Variants in MROH2B observed in about 807,000 individuals in gnomAD.
MROH2B encodes the protein maestro heat like repeat family member 2B.
Under a neutral mutation model 208.6 loss-of-function variants are expected in MROH2B, and 177 were observed. That is an observed-to-expected ratio of 0.85 (90% CI 0.75 to 0.96). The LOEUF (loss-of-function observed/expected upper bound fraction) is 0.96. Among genes scored for constraint, MROH2B ranks in the 40% least tolerant of loss-of-function variants. MROH2B has a pLI of 0.00. For missense variants in MROH2B, 2,002 were observed against 1,878.7 expected (o/e 1.07, Z -1.21); for synonymous variants, 728 against 659.0 (o/e 1.10, Z -1.60).
In MROH2B at chr5:41,008,801, G is replaced by C. The variant is rs1741677782; in HGVS notation, c.3421-8C>G. 1.2e-6 allele frequency: 2 copies of C among 1,604,158 alleles called. No homozygotes were observed. Among genetic ancestry groups the C allele is most frequent in the Non-Finnish European group, 1.7e-6 (2 of 1,173,088 alleles). ...ATACATAGCACAGGCCACCTGAGGG[G>C]AGAAAGGGCCTCTTGGTCAGGCAGT... On this transcript the variant is annotated splice_polypyrimidine_tract_variant and splice_region_variant and intron_variant, in intron 32 of 41. Transcript: ENST00000399564.
chr5:41,031,894 A>G (rs1280439727), intron 24 of MROH2B, among the ~76,000 whole-genome samples: 1 of 152,126 alleles, frequency 6.6e-6, no homozygotes, highest in Non-Finnish European at 1.5e-5. Context: ...ATGTTACTGC[A>G]AAAGACAGAT....
chr5:41,006,763 C>G (rs1406788347), intron 34 of MROH2B, among the ~76,000 whole-genome samples: 1 of 152,048 alleles, frequency 6.6e-6, no homozygotes, highest in Non-Finnish European at 1.5e-5. Flanking sequence ...TATGTTCTGT[C>G]TCATATGTGG....
Position 41,015,478 on chromosome 5 carries a change from C to G in MROH2B, c.2885G>C (p.Gly962Ala), listed in dbSNP as rs765609824. 5.6e-6 allele frequency: 9 copies of G among 1,613,080 alleles called. No individual in the cohort carries two copies. The highest frequency in any genetic ancestry group is 7.6e-6 in the Non-Finnish European group (9 of 1,179,404). Residue 962 changes from glycine (G) to alanine (A), a missense_variant and splice_region_variant, in exon 29 of 42, where the codon GGC becomes GCC. By Grantham distance (60) the Gly-to-Ala change is moderately conservative. Transcript: ENST00000399564. ...SSTIGLFYIK[G>A]IHLEVERLQG... ...CAGTCTTTCCACTTCCAAGTGAATG[C>G]CTAAAATCAACAAAGTGAGAAATGT... is the stretch of plus-strand genomic sequence containing the variant.
At chr5:41,021,362 C>T (rs934625137) in intron 24 of MROH2B, among the ~76,000 whole-genome samples, 3 of 152,132 alleles carry the variant, frequency 2.0e-5, no homozygotes, top group Non-Finnish European at 2.9e-5. Context: ...ATCTTAATAT[C>T]ATTAAGAATA....
intron 6 of MROH2B, among the ~76,000 whole-genome samples, chr5:41,060,648 G>T (rs945736471): frequency 2.6e-5 from 4 of 152,188 alleles, no homozygotes; most frequent in African/African-American, 9.7e-5. Context: ...CACCAGGGCA[G>T]TTAAGTGCTT....
At chr5:41,045,693 C>A in intron 18 of MROH2B, 53 bp downstream of exon 18, 1 of 1,347,346 alleles carries the variant, frequency 7.4e-7, no homozygotes, top group Non-Finnish European at 1.1e-6. Flanking sequence ...GCTAGAGCAG[C>A]CATTTTGGAT....
chr5:41,064,824 G>A (rs1743752859), intron 4 of MROH2B, among the ~76,000 whole-genome samples: 1 of 152,132 alleles, frequency 6.6e-6, no homozygotes, highest in Admixed American at 6.5e-5. Flanking sequence ...AGTGGCAGTC[G>A]CTTATTTGGA....
chr5:41,016,437 G>A (rs1741950556), intron 28 of MROH2B, among the ~76,000 whole-genome samples: 2 of 147,272 alleles, frequency 1.4e-5, no homozygotes, highest in Admixed American at 6.8e-5. Flanking sequence ...AACAATAATA[G>A]AATCCAAATT....
intron 27 of MROH2B, 29 bp from the exon 28 acceptor site, chr5:41,017,999 G>A: frequency 6.4e-7 from 1 of 1,562,940 alleles, no homozygotes; most frequent in Non-Finnish European, 8.7e-7. Context: ...ATCCTATTGT[G>A]ATGGGGTAGC....
intron 24 of MROH2B, among the ~76,000 whole-genome samples, chr5:41,023,178 C>T (rs887735864): frequency 6.6e-6 from 1 of 152,186 alleles, no homozygotes; most frequent in African/African-American, 2.4e-5. Context: ...AGCAATGGAA[C>T]AAAGCTGGAC....
Position 41,071,084 on chromosome 5 carries a change from A to C in MROH2B, c.-232T>G. 3 of 462,518 alleles carry C rather than the reference A, an allele frequency of 6.5e-6. No individual in the cohort carries two copies. The highest frequency in any genetic ancestry group is 3.5e-5 in the Admixed American group (1 of 28,634). 28.7% of individuals were successfully genotyped at this position (462,518 alleles called of 1,614,324 possible). A position where few individuals can be genotyped will look rare whatever the true frequency, so the allele number is the denominator to read the frequency against. On this transcript the variant is annotated 5_prime_UTR_variant, in exon 1 of 42. Coordinates refer to ENST00000399564, the MANE Select transcript of MROH2B (RefSeq NM_173489.5). Reference sequence around the variant, plus strand: ...CACTATGACATTGTCTTGCGTCTGAACTCCTGCTAACCAACAAAATGGCTG... The same window carrying C: ...CACTATGACATTGTCTTGCGTCTGACCTCCTGCTAACCAACAAAATGGCTG...
intron 21 of MROH2B, among the ~76,000 whole-genome samples, chr5:41,036,314 T>A (rs1260961551): frequency 6.6e-6 from 1 of 152,074 alleles, no homozygotes; most frequent in Non-Finnish European, 1.5e-5. Flanking sequence ...TGAGATCTGA[T>A]GATTATATAA....
At position 41,005,599 on chromosome 5, in the gene MROH2B, G is replaced by C. The variant is rs1561274332; in HGVS notation, c.3796C>G (p.Gln1266Glu). The C allele has an allele frequency of 1.2e-6, 2 of 1,612,124 alleles. No homozygotes were observed. The highest frequency in any genetic ancestry group is 1.7e-6 in the Non-Finnish European group (2 of 1,179,178). The change falls in exon 35 of 42, where the codon CAG becomes GAG. Residue 1266 changes from glutamine to glutamate, a missense_variant. Gln to Glu is a conservative substitution (Grantham distance 29). Coordinates refer to ENST00000399564, the MANE Select transcript of MROH2B (RefSeq NM_173489.5). ...GAGGAGGTAAGAGATGAGAGCAGCT[G>C]TTCCATGATGTCCAGTATGACTCCG... ...QHGVILDIME[Q>E]LLSSLTSSSE...
chr5:41,000,568 C>T (rs1042673287), intron 38 of MROH2B, 110 bp downstream of exon 38: 13 of 1,403,774 alleles, frequency 9.3e-6, no homozygotes, highest in African/African-American at 4.4e-5. Context: ...TCAGGTTCAG[C>T]GCTAAGGGGT....
chr5:41,024,904 T>C (rs1742295696), intron 24 of MROH2B, among the ~76,000 whole-genome samples: 1 of 152,124 alleles, frequency 6.6e-6, no homozygotes, highest in African/African-American at 2.4e-5. Flanking sequence ...CTCAACTACA[T>C]GGAAACTGAA....
intron 37 of MROH2B, among the ~76,000 whole-genome samples, chr5:41,003,208 G>A (rs1324556308): frequency 6.6e-6 from 1 of 152,072 alleles, no homozygotes; most frequent in Non-Finnish European, 1.5e-5. Context: ...TGATCCACCT[G>A]CCTCAGCCTC....
At chr5:41,013,613 G>A (rs367747793) in intron 29 of MROH2B, among the ~76,000 whole-genome samples, 127 of 152,272 alleles carry the variant, frequency 8.3e-4, no homozygotes, top group African/African-American at 2.9e-3. Flanking sequence ...CAAACCATTT[G>A]CTGAGTTATT....
intron 24 of MROH2B, 60 bp from the exon 25 acceptor site, chr5:41,019,078 G>A (rs1742057454): frequency 1.3e-6 from 2 of 1,596,812 alleles, no homozygotes; most frequent in South Asian, 2.2e-5. Flanking sequence ...CATACCCAGT[G>A]GAATTCCCAA....
chr5:41,058,007 C>T (rs1156938780), intron 7 of MROH2B, 56 bp downstream of exon 7: 1 of 1,416,520 alleles, frequency 7.1e-7, no homozygotes, highest in Non-Finnish European at 9.3e-7. Context: ...TTAAAAGCCT[C>T]CCGGAGGGTT....
Sources: allele counts gnomAD v4.1 joint callset (sites outside exome capture counted in the v4.1 genomes callset), GRCh38; gene constraint gnomAD v4.1.1; transcripts MANE v1.5; gene names NCBI Gene and HGNC (gene_info 2026-07-23, HGNC 2026-07-21).